Variants in FAM81A observed in about 807,000 individuals in gnomAD.
FAM81A encodes family with sequence similarity 81 member A, also known as protein FAM81A.
In FAM81A, 19 loss-of-function variants were observed where a neutral mutation model predicts 46.7. The ratio of observed to expected loss-of-function variants is 0.41; its 90% confidence interval spans 0.28 to 0.60. The LOEUF (loss-of-function observed/expected upper bound fraction) is 0.60, where lower values mean the gene tolerates loss of function less well. Among genes scored for constraint, FAM81A ranks in the 20% least tolerant of loss-of-function variants. FAM81A has a pLI of 0.34. For synonymous variants in FAM81A, 183 were observed against 152.9 expected, an observed-to-expected ratio of 1.20 and a Z score of -1.45; for missense variants, 377 against 453.5, an observed-to-expected ratio of 0.83 and a Z score of 1.53.
At chr15:59,467,360 G>C (rs2081627231) in intron 3 of FAM81A, among the ~76,000 whole-genome samples, 1 of 152,156 alleles carries the variant, frequency 6.6e-6, no homozygotes, top group Non-Finnish European at 1.5e-5. Context: ...TCTTCCATTT[G>C]TTTGTGTCCT....
At chr15:59,409,504 T>C (rs1424889311) in intron 2 of FAM81A, among the ~76,000 whole-genome samples, 1 of 152,166 alleles carries the variant, frequency 6.6e-6, no homozygotes, top group African/African-American at 2.4e-5. Context: ...TTTTCAAAGC[T>C]GGAGAGGTAG....
chr15:59,481,684 A>G (rs1316331572), intron 3 of FAM81A, among the ~76,000 whole-genome samples: 2 of 151,986 alleles, frequency 1.3e-5, no homozygotes, highest in African/African-American at 4.8e-5. Flanking sequence ...CACTCTGAAG[A>G]CATCTTTATG....
intron 6 of FAM81A, among the ~76,000 whole-genome samples, chr15:59,513,893 A>G (rs1156914308): frequency 6.6e-6 from 1 of 152,230 alleles, no homozygotes; most frequent in African/African-American, 2.4e-5. Context: ...ATACTGTGCA[A>G]CCATAAAAAG....
chr15:59,438,055 C>T (rs1343219898), upstream of FAM81A: 4 of 149,480 alleles, frequency 2.7e-5, no homozygotes, highest in Non-Finnish European at 6.0e-5. Context: ...GTCCAGGCAA[C>T]GCGCCCGGAA....
At chr15:59,512,457 G>A (rs1468542891) in intron 6 of FAM81A, among the ~76,000 whole-genome samples, 4 of 118,616 alleles carry the variant, frequency 3.4e-5, no homozygotes, top group African/African-American at 1.4e-4. Flanking sequence ...GGGCGACAGA[G>A]CGAAACTCCA....
At chr15:59,493,131 T>TC (rs1413862190) in intron 4 of FAM81A, among the ~76,000 whole-genome samples, 1 of 152,160 alleles carries the variant, frequency 6.6e-6, no homozygotes, top group Non-Finnish European at 1.5e-5. Flanking sequence ...AAATGGCACT[T>TC]CCCGTCAGCC....
chr15:59,450,604 G>T (rs919811301), intron 1 of FAM81A, among the ~76,000 whole-genome samples: 7 of 151,996 alleles, frequency 4.6e-5, no homozygotes, highest in Non-Finnish European at 8.8e-5. Flanking sequence ...GTGATGAAAT[G>T]GTATCTCTGG....
intron 1 of FAM81A, chr15:59,443,912 A>G (rs1421603176): frequency 3.9e-5 from 6 of 152,432 alleles, no homozygotes; most frequent in Non-Finnish European, 8.8e-5. Flanking sequence ...GTCCTCACCA[A>G]TCAGCATTTC....
chr15:59,490,392 A>G (rs113808631), intron 3 of FAM81A, among the ~76,000 whole-genome samples: 13,596 of 152,246 alleles, frequency 0.089, 757 homozygotes, highest in African/African-American at 0.16. Context: ...AAACAACTCT[A>G]TAAGAAAAAA....
intron 4 of FAM81A, among the ~76,000 whole-genome samples, chr15:59,501,129 G>A (rs1045015657): frequency 7.9e-5 from 12 of 152,042 alleles, no homozygotes; most frequent in Non-Finnish European, 1.6e-4. Flanking sequence ...TTTTGAGGTT[G>A]TTTGCATGTT....
intron 3 of FAM81A, among the ~76,000 whole-genome samples, chr15:59,477,220 A>T (rs1402759848): frequency 6.6e-6 from 1 of 152,134 alleles, no homozygotes; most frequent in African/African-American, 2.4e-5. Flanking sequence ...AGATATTTAA[A>T]TTGTATTTCA....
At chr15:59,440,180 C>G (rs1368363094) in intron 1 of FAM81A, 4 of 152,152 alleles carry the variant, frequency 2.6e-5, no homozygotes, top group African/African-American at 4.8e-5. Flanking sequence ...CCAGTGCTTC[C>G]CAAACCTGGG....
intron 2 of FAM81A, among the ~76,000 whole-genome samples, chr15:59,419,169 T>C (rs2081159942): frequency 6.6e-6 from 1 of 152,176 alleles, no homozygotes. Context: ...ATAACAACGA[T>C]AATATCAGCA....
chr15:59,521,068 T>C (rs2082322945), intron 8 of FAM81A, among the ~76,000 whole-genome samples, 186 bp from the exon 9 acceptor site: 1 of 152,172 alleles, frequency 6.6e-6, no homozygotes, highest in Non-Finnish European at 1.5e-5. Context: ...TTTTCCTTTT[T>C]GTAATTAAAA....
At chr15:59,472,242 G>C (rs1244620492) in intron 3 of FAM81A, among the ~76,000 whole-genome samples, 2 of 152,090 alleles carry the variant, frequency 1.3e-5, no homozygotes, top group Non-Finnish European at 2.9e-5. Context: ...TTGGGAGGCC[G>C]AGGTGGGAGG....
chr15:59,410,093 G>C (rs1204200561), intron 2 of FAM81A, among the ~76,000 whole-genome samples: 1 of 152,150 alleles, frequency 6.6e-6, no homozygotes, highest in Non-Finnish European at 1.5e-5. Flanking sequence ...GAGGTCAGGA[G>C]AGTGAGACCA....
At chr15:59,432,337 T>C (rs1046533488) in intron 2 of FAM81A, among the ~76,000 whole-genome samples, 3 of 152,268 alleles carry the variant, frequency 2.0e-5, no homozygotes, top group African/African-American at 7.2e-5. Flanking sequence ...AAATCAGAGA[T>C]AATGTTAAAA....
At chr15:59,431,686 C>T (rs959389971) in intron 2 of FAM81A, among the ~76,000 whole-genome samples, 10 of 152,192 alleles carry the variant, frequency 6.6e-5, no homozygotes, top group African/African-American at 2.4e-4. Context: ...GGTACATCTT[C>T]CCCAAGGAAA....
intron 1 of FAM81A, among the ~76,000 whole-genome samples, chr15:59,446,181 C>T (rs1019310998): frequency 5.3e-5 from 8 of 151,958 alleles, no homozygotes; most frequent in African/African-American, 1.5e-4. Flanking sequence ...CGCTGCCCTA[C>T]GGCAGCTCAG....
Sources: allele counts gnomAD v4.1 joint callset (sites outside exome capture counted in the v4.1 genomes callset), GRCh38; gene constraint gnomAD v4.1.1; transcripts MANE v1.5; gene names NCBI Gene and HGNC (gene_info 2026-07-23, HGNC 2026-07-21).